LZTS1: variants seen among roughly 807,000 people sequenced by gnomAD.
LZTS1 encodes leucine zipper putative tumor suppressor 1.
LZTS1 carries 31 observed loss-of-function variants against 45.8 expected under a neutral mutation model. The ratio of observed to expected loss-of-function variants is 0.68; its 90% CI spans 0.51 to 0.91. The LOEUF (loss-of-function observed/expected upper bound fraction) is 0.91, where lower values mean the gene tolerates loss of function less well. LZTS1 is among the 40% of genes least tolerant of loss of function. The pLI is 0.00. For missense variants in LZTS1, 821 were observed against 788.9 expected (o/e 1.04, Z -0.49); for synonymous variants, 359 against 357.3 (o/e 1.00, Z -0.05).
At chr8:20,294,402 G>C (rs1457753653) in intron 1 of LZTS1, among the ~76,000 whole-genome samples, 1 of 152,246 alleles carries the variant, frequency 6.6e-6, no homozygotes, top group Non-Finnish European at 1.5e-5. Context: ...AGCAGGGCCA[G>C]CTGCGGGCCT....
Position 20,252,728 on chromosome 8 carries a change from G to A in LZTS1, c.1149+54C>T, listed in dbSNP as rs1279646091. The A allele has an allele frequency of 8.3e-6, 12 of 1,439,634 alleles. No individual in the cohort carries two copies. In the South Asian group the frequency reaches 1.7e-4, roughly 20 times the overall value. The allele number at this position is 1,439,634 out of a possible 1,614,324, so 89.2% of individuals were successfully genotyped here. ...TGGCCGGCACCAGAAGGAGAGGGGG[G>A]TACTGGCGCCAAACCGCTGACCACC... On this transcript the variant is annotated intron_variant, in intron 3 of 3. Transcript: ENST00000381569.
intron 1 of LZTS1, among the ~76,000 whole-genome samples, chr8:20,268,967 C>T (rs890700964): frequency 6.6e-6 from 1 of 152,064 alleles, no homozygotes; most frequent in Non-Finnish European, 1.5e-5. Flanking sequence ...GTGCACAGGT[C>T]GTCAGCGTTC....
rs1285860239 is a variant in LZTS1, at chr8:20,250,180, G to A, written c.1333C>T (p.Leu445=). The part of the protein sequence containing the change: ...DLEGALRTKG[L]ELEVCENELQ... ...TCATTCTCACAGACCTCCAGCTCCA[G>A]GCCCTTGGTGCGCAGGGCGCCCTCC... Residue 445 remains leucine, a synonymous_variant, in exon 4 of 4, where the codon CTG becomes TTG. Transcript: ENST00000381569. The A allele has an allele frequency of 6.2e-7, 1 of 1,611,180 alleles. No homozygotes were observed. Among genetic ancestry groups the A allele is most frequent in the South Asian group, 1.1e-5 (1 of 91,058 alleles).
chr8:20,269,342 T>A (rs1484569932), intron 1 of LZTS1, among the ~76,000 whole-genome samples: 1 of 152,146 alleles, frequency 6.6e-6, no homozygotes, highest in Non-Finnish European at 1.5e-5. Context: ...CTAGACTCCC[T>A]CCCGTCTTAC....
chr8:20,273,775 T>TATA (rs200488450), intron 1 of LZTS1, among the ~76,000 whole-genome samples: 2,030 of 84,298 alleles, frequency 0.024, 44 homozygotes, highest in African/African-American at 0.065. Flanking sequence ...ACCTGTTATA[T>TATA]TTGTTTTTTT....
chr8:20,249,711 C>G lies in LZTS1; in HGVS notation c.*11G>C. 1 of 1,588,810 alleles carries G rather than the reference C, an allele frequency of 6.3e-7. No homozygotes were observed. The highest frequency in any genetic ancestry group is 8.6e-7 in the Non-Finnish European group (1 of 1,169,018). ...TGCCAGGTCCCCAGACTCGCCTTCC[C>G]AGGCAGCCCCTCAGATCTCAGTGGC... On this transcript the variant is annotated 3_prime_UTR_variant, in exon 4 of 4. Transcript: ENST00000381569.
chr8:20,302,916 G>C (rs886942023), intron 1 of LZTS1, among the ~76,000 whole-genome samples: 17 of 152,164 alleles, frequency 1.1e-4, no homozygotes, highest in African/African-American at 4.1e-4. Context: ...ACGAAAAAGA[G>C]ACATCACCTG....
Position 20,251,492 on chromosome 8 carries a change from C to CA in LZTS1, c.1150-1130dup, listed in dbSNP as rs550830888. Among the ~76,000 whole-genome samples, 3 of 152,282 alleles carry CA rather than the reference C, an allele frequency of 2.0e-5. No individual in the cohort carries two copies. In the East Asian group the frequency reaches 5.8e-4, roughly 29 times the overall value. ...TCCAAGAATCCATTCTGTAGAGCCA[C>CA]ATGCTCTGGACTTCATTCACTCTTA... On this transcript the variant is annotated intron_variant, in intron 3 of 3. Coordinates refer to ENST00000381569, the MANE Select transcript of LZTS1 (RefSeq NM_021020.5).
At chr8:20,252,753 C>A in intron 3 of LZTS1, 29 bp downstream of exon 3, 1 of 1,491,110 alleles carries the variant, frequency 6.7e-7, no homozygotes, top group South Asian at 1.5e-5. Context: ...CGCTGACCAC[C>A]CAAACCCATG....
chr8:20,255,154 C>T lies in LZTS1; in HGVS notation c.28G>A (p.Gly10Ser), dbSNP rs770015908. Reference protein sequence around the residue: MGSVSSLISGHSFHSKHCRA... With the variant: MGSVSSLISSHSFHSKHCRA... ...CAGTGCTTGCTGTGGAAGCTGTGGC[C>T]GGAGATGAGGCTACTGACGCTGCCC... The change falls in exon 2 of 4, where the codon GGC becomes AGC. Residue 10 changes from glycine to serine, a missense_variant. By Grantham distance (56) the Gly-to-Ser change is moderately conservative. Transcript: ENST00000381569. The T allele has an allele frequency of 1.5e-5, 24 of 1,613,514 alleles. No individual in the cohort carries two copies. Among genetic ancestry groups the T allele is most frequent in the Non-Finnish European group, 1.9e-5 (23 of 1,179,754 alleles).
intron 1 of LZTS1, among the ~76,000 whole-genome samples, chr8:20,287,865 G>A (rs1319860530): frequency 7.4e-6 from 1 of 134,488 alleles, no homozygotes; most frequent in Non-Finnish European, 1.5e-5. Context: ...GGTAGAGGTT[G>A]CAGTAAGCTA....
At chr8:20,297,500 C>T (rs1030455941) in intron 1 of LZTS1, among the ~76,000 whole-genome samples, 1 of 152,258 alleles carries the variant, frequency 6.6e-6, no homozygotes, top group South Asian at 2.1e-4. Flanking sequence ...CTATAACCTC[C>T]GCCTCCCGGG....
Position 20,249,247 on chromosome 8 carries a change from A to C in LZTS1, c.*475T>G, listed in dbSNP as rs1799816314. The C allele has an allele frequency of 6.4e-6, 1 of 156,524 alleles. No homozygotes were observed. The highest frequency in any genetic ancestry group is 6.3e-5 in the Admixed American group (1 of 15,894). 9.7% of individuals were successfully genotyped at this position (156,524 alleles called of 1,614,324 possible). A position where few individuals can be genotyped will look rare whatever the true frequency, so the allele number is the denominator to read the frequency against. On this transcript the variant is annotated 3_prime_UTR_variant, in exon 4 of 4. Coordinates refer to ENST00000381569, the MANE Select transcript of LZTS1 (RefSeq NM_021020.5). ...ACCCCTACACCTCTGCGGCCAGAGG[A>C]AAATAGCTCAGGTTCTGATGGGGCT...
chr8:20,299,172 T>TCTGGCTAAGGTTCTTGGAAGAGAGAGCC, intron 1 of LZTS1, among the ~76,000 whole-genome samples: 1 of 152,194 alleles, frequency 6.6e-6, no homozygotes, highest in Non-Finnish European at 1.5e-5. Context: ...GGCAACAGGC[T>TCTGGCTAAGGTTCTTGGAAGAGAGAGCC]CTGGCTAAGG....
chr8:20,284,003 C>T (rs1029364880), intron 1 of LZTS1, among the ~76,000 whole-genome samples: 2 of 152,192 alleles, frequency 1.3e-5, no homozygotes, highest in African/African-American at 2.4e-5. Context: ...GATGCTCCAA[C>T]CCCTCTTTCT....
chr8:20,268,865 G>T (rs369817687), intron 1 of LZTS1, among the ~76,000 whole-genome samples: 13 of 152,076 alleles, frequency 8.5e-5, no homozygotes, highest in African/African-American at 2.9e-4. Flanking sequence ...TCGCTGGCAG[G>T]CTGAGTCATT....
At chr8:20,280,774 C>T (rs1438211572) in intron 1 of LZTS1, among the ~76,000 whole-genome samples, 1 of 152,168 alleles carries the variant, frequency 6.6e-6, no homozygotes, top group Non-Finnish European at 1.5e-5. Context: ...CTCCTCCTCC[C>T]ATCCTTCCTC....
intron 1 of LZTS1, among the ~76,000 whole-genome samples, chr8:20,282,676 A>G (rs1324138624): frequency 6.6e-6 from 1 of 152,212 alleles, no homozygotes; most frequent in Non-Finnish European, 1.5e-5. Context: ...GACATTTAGC[A>G]GCATTCCTGG....
intron 1 of LZTS1, among the ~76,000 whole-genome samples, chr8:20,294,015 G>C (rs1800942356): frequency 6.6e-6 from 1 of 152,146 alleles, no homozygotes; most frequent in Non-Finnish European, 1.5e-5. Flanking sequence ...AAAAGTTCTT[G>C]GCAGTGAGTA....
Sources: allele counts gnomAD v4.1 joint callset (sites outside exome capture counted in the v4.1 genomes callset), GRCh38; gene constraint gnomAD v4.1.1; transcripts MANE v1.5; gene names NCBI Gene and HGNC (gene_info 2026-07-23, HGNC 2026-07-21).